Variants in MRPS30 observed in about 807,000 individuals in gnomAD.
The protein encoded by MRPS30 is large ribosomal subunit protein mL65.
Under a neutral mutation model 43.8 loss-of-function variants are expected in MRPS30, and 42 were observed. The ratio of observed to expected loss-of-function variants is 0.96; its 90% confidence interval spans 0.75 to 1.24. MRPS30 has a LOEUF of 1.24. Ranked by LOEUF, MRPS30 falls within the 50% of genes most tolerant of loss-of-function variation. The probability of loss-of-function intolerance (pLI) is 0.00; values close to 1 mark genes in which losing one functional copy is unlikely to be tolerated. For synonymous variants in MRPS30, 273 were observed against 228.2 expected (o/e 1.20, Z -1.77); for missense variants, 638 against 570.0 (o/e 1.12, Z -1.22).
At position 44,813,150 on chromosome 5, in the gene MRPS30, C is replaced by T. The variant is rs1266750448; in HGVS notation, c.898C>T (p.His300Tyr). Residue 300 changes from histidine (H) to tyrosine (Y), a missense_variant, in exon 4 of 5, where the codon CAT becomes TAT. His to Tyr is a moderately conservative substitution (Grantham distance 83). Transcript: ENST00000507110. Reference sequence around the variant, plus strand: ...TTGCTGTTACGGTCACACCCAGTTTCATCTGTTACCTGACAAATTAAGAAG... The same window carrying T: ...TTGCTGTTACGGTCACACCCAGTTTTATCTGTTACCTGACAAATTAAGAAG... ...DPCCYGHTQF[H>Y]LLPDKLRRER... 2 of 1,613,430 alleles carry T rather than the reference C, an allele frequency of 1.2e-6. No homozygotes were observed. The highest frequency in any genetic ancestry group is 4.5e-5 in the East Asian group (2 of 44,822).
In MRPS30 at chr5:44,809,281, C is replaced by A; in HGVS notation, c.319C>A (p.Gln107Lys). 3 of 1,613,388 alleles carry A rather than the reference C, an allele frequency of 1.9e-6. No homozygotes were observed. Among genetic ancestry groups the A allele is most frequent in the Non-Finnish European group, 2.5e-6 (3 of 1,179,832 alleles). ...CGCGCTGAATGCCGACCGCTGGTAC[C>A]AGTACTTCACCAAGACCGTGTTCCT... Reference protein sequence around the residue: ...TFALNADRWYQYFTKTVFLSG... With the variant: ...TFALNADRWYKYFTKTVFLSG... Residue 107 changes from glutamine (Q) to lysine (K), a missense_variant, in exon 1 of 5, where the codon CAG (glutamine) becomes AAG (lysine). Gln to Lys is a moderately conservative substitution (Grantham distance 53). Transcript: ENST00000507110.
Position 44,813,142 on chromosome 5 carries a change from C to T in MRPS30, c.890C>T (p.Thr297Ile), listed in dbSNP as rs1385931575. 6.2e-7 allele frequency: 1 copy of T among 1,613,256 alleles called. No individual in the cohort carries two copies. ...KTADPCCYGH[T>I]QFHLLPDKLR... is the part of the protein sequence containing the mutation. Reference sequence around the variant, plus strand: ...GCAGATCCTTGCTGTTACGGTCACACCCAGTTTCATCTGTTACCTGACAAA... The same window carrying T: ...GCAGATCCTTGCTGTTACGGTCACATCCAGTTTCATCTGTTACCTGACAAA... The change falls in exon 4 of 5, where the codon ACC becomes ATC. Residue 297 changes from threonine to isoleucine, a missense_variant. Physicochemically the swap from Thr to Ile is moderately conservative, Grantham distance 89. Transcript: ENST00000507110.
At chr5:44,813,741 A>C (rs1296699014) in intron 4 of MRPS30, 1 of 153,062 alleles carries the variant, frequency 6.5e-6, no homozygotes, top group East Asian at 1.9e-4. Context: ...ACTCTGTTCA[A>C]GATGCAGTGT....
rs367724156 is a variant in MRPS30 at position 44,814,894 on chromosome 5, G to T, written c.1031-19G>T. The T allele has an allele frequency of 2.1e-5, 33 of 1,579,220 alleles. No homozygotes were observed. Among genetic ancestry groups the T allele is most frequent in the Non-Finnish European group, 2.8e-5 (32 of 1,163,476 alleles). ...AGATATATTCTATGTGTAAATTTCA[G>T]CATAACTTTCTTCTACAGGATTCTG... On this transcript the variant is annotated intron_variant, in intron 4 of 4. Transcript: ENST00000507110.
In MRPS30 at chr5:44,814,962, G is replaced by T. The variant is rs542809408; in HGVS notation, c.1080G>T (p.Val360=). 6.2e-7 allele frequency: 1 copy of T among 1,613,780 alleles called. No individual in the cohort carries two copies. Among genetic ancestry groups the T allele is most frequent in the African/African-American group, 1.3e-5 (1 of 75,022 alleles). ...CTCGACCTTTTGTCTCCCAGGCTGTGATCACAGATGGAAAATACTTTTCCT... is the reference window on the plus strand; with the variant it reads ...CTCGACCTTTTGTCTCCCAGGCTGTTATCACAGATGGAAAATACTTTTCCT... ...DVTRPFVSQA[V]ITDGKYFSFF... Residue 360 remains valine (V), a synonymous_variant, in exon 5 of 5, where the codon GTG becomes GTT. Coordinates refer to ENST00000507110, the MANE Select transcript of MRPS30 (RefSeq NM_016640.4).
At chr5:44,813,083 A>T in intron 3 of MRPS30, 23 bp from the exon 4 acceptor site, 1 of 1,605,176 alleles carries the variant, frequency 6.2e-7, no homozygotes, top group South Asian at 1.1e-5. Context: ...TTTCATCTGA[A>T]ATGTTTTTAT....
intron 4 of MRPS30, among the ~76,000 whole-genome samples, chr5:44,814,295 C>T (rs1373968680): frequency 6.6e-6 from 1 of 152,062 alleles, no homozygotes; most frequent in Non-Finnish European, 1.5e-5. Flanking sequence ...GATTACTAGG[C>T]TCATCTTTTT....
At chr5:44,811,186 A>G (rs1020670242) in intron 2 of MRPS30, 32 bp downstream of exon 2, 7 of 1,607,902 alleles carry the variant, frequency 4.4e-6, no homozygotes, top group Admixed American at 1.7e-5. Context: ...GTATCTATTG[A>G]TATCTCGTGT....
At position 44,808,994 on chromosome 5, in the gene MRPS30, T is replaced by TA; in HGVS notation, c.33dup (p.Arg12ThrfsTer12). On this transcript the variant is annotated frameshift_variant, in exon 1 of 5. Transcript: ENST00000507110. LOFTEE classifies it high-confidence loss of function. ...GCGGCCAGGTGTTGGAGGCCTTTGCTACGCGGTCCGAGGCTTTCATTGCAC... is the reference window on the plus strand; with the variant it reads ...GCGGCCAGGTGTTGGAGGCCTTTGCTAACGCGGTCCGAGGCTTTCATTGCAC... The TA allele has an allele frequency of 9.9e-6, 16 of 1,608,320 alleles. No individual in the cohort carries two copies. Among genetic ancestry groups the TA allele is most frequent in the Non-Finnish European group, 1.3e-5 (15 of 1,177,854 alleles).
chr5:44,810,390 A>G (rs1259012800), intron 1 of MRPS30, among the ~76,000 whole-genome samples: 2 of 152,258 alleles, frequency 1.3e-5, no homozygotes, highest in Non-Finnish European at 2.9e-5. Flanking sequence ...TAATTAACGT[A>G]TAAATAATTT....
Position 44,811,957 on chromosome 5 carries a change from A to G in MRPS30, c.790A>G (p.Ile264Val). The G allele has an allele frequency of 6.2e-7, 1 of 1,600,030 alleles. No homozygotes were observed. The change falls in exon 3 of 5, where the codon ATA becomes GTA. Residue 264 changes from isoleucine (I) to valine (V), a missense_variant. Physicochemically the swap from Ile to Val is conservative, Grantham distance 29 (BLOSUM62 3). Transcript: ENST00000507110. ...TTCTGTTCCTATAGAAATCCCCACTATAAAATGTAAACCAGACAAACTTCC... is the reference window on the plus strand; with the variant it reads ...TTCTGTTCCTATAGAAATCCCCACTGTAAAATGTAAACCAGACAAACTTCC... ...DYSVPIEIPTIKCKPDKLPLF... is the reference protein window; with the variant it reads ...DYSVPIEIPTVKCKPDKLPLF...
intron 2 of MRPS30, 123 bp downstream of exon 2, chr5:44,811,277 T>A: frequency 1.7e-6 from 2 of 1,165,918 alleles, no homozygotes; most frequent in Non-Finnish European, 2.4e-6. Context: ...TCAAGTTTCC[T>A]TTTTGAAGAC....
rs747568333 is a variant in MRPS30 at position 44,809,490 on chromosome 5, C to A, written c.528C>A (p.Phe176Leu). Residue 176 changes from phenylalanine to leucine, a missense_variant, in exon 1 of 5, where the codon TTC becomes TTA. Coordinates refer to ENST00000507110, the MANE Select transcript of MRPS30 (RefSeq NM_016640.4). ...YEESEVISLP[F>L]LDQLVSTLVG... is the part of the protein sequence containing the mutation. ...AGAGCGAGGTCATATCTTTGCCCTT[C>A]CTGGATCAGCTGGTGTCAACCCTCG... is the stretch of plus-strand genomic sequence containing the variant. The A allele has an allele frequency of 1.2e-6, 2 of 1,613,788 alleles. No individual in the cohort carries two copies. The highest frequency in any genetic ancestry group is 2.2e-5 in the South Asian group (2 of 91,072).
intron 1 of MRPS30, among the ~76,000 whole-genome samples, chr5:44,810,680 G>C (rs1742825666): frequency 6.6e-6 from 1 of 152,126 alleles, no homozygotes; most frequent in Admixed American, 6.5e-5. Context: ...ACATACCTTT[G>C]GGAGTTATTG....
chr5:44,813,692 A>C (rs1742877881), intron 4 of MRPS30: 2 of 156,684 alleles, frequency 1.3e-5, no homozygotes, highest in African/African-American at 4.8e-5. Context: ...GGGATTGTTC[A>C]TTCATTCAGT....
Position 44,809,009 on chromosome 5 carries a change from T to C in MRPS30, c.47T>C (p.Leu16Pro). The change falls in exon 1 of 5, where the codon CTT becomes CCT. Residue 16 changes from leucine (L) to proline (P), a missense_variant. By Grantham distance (98) the Leu-to-Pro change is moderately conservative. Coordinates refer to ENST00000507110, the MANE Select transcript of MRPS30 (RefSeq NM_016640.4). ...AGGCCTTTGCTACGCGGTCCGAGGC[T>C]TTCATTGCACACCGCGGCTAATGCC... ...CWRPLLRGPR[L>P]SLHTAANAAA... is the part of the protein sequence containing the mutation. 6.2e-7 allele frequency: 1 copy of C among 1,610,040 alleles called. No homozygotes were observed. The highest frequency in any genetic ancestry group is 8.5e-7 in the Non-Finnish European group (1 of 1,178,770).
Position 44,814,976 on chromosome 5 carries a change from A to G in MRPS30, c.1094A>G (p.Lys365Arg). The change falls in exon 5 of 5, where the codon AAA (lysine) becomes AGA (arginine). Residue 365 changes from lysine (K) to arginine (R), a missense_variant. Lys to Arg is a conservative substitution (Grantham distance 26). Coordinates refer to ENST00000507110, the MANE Select transcript of MRPS30 (RefSeq NM_016640.4). Reference sequence around the variant, plus strand: ...TCCCAGGCTGTGATCACAGATGGAAAATACTTTTCCTTTTTCTGCTACCAG... The same window carrying G: ...TCCCAGGCTGTGATCACAGATGGAAGATACTTTTCCTTTTTCTGCTACCAG... ...FVSQAVITDGKYFSFFCYQLN... is the reference protein window; with the variant it reads ...FVSQAVITDGRYFSFFCYQLN... The G allele has an allele frequency of 6.2e-7, 1 of 1,613,942 alleles. No homozygotes were observed. Among genetic ancestry groups the G allele is most frequent in the Non-Finnish European group, 8.5e-7 (1 of 1,179,868 alleles).
chr5:44,809,337 C>A lies in MRPS30; in HGVS notation c.375C>A (p.Pro125=), dbSNP rs757049349. ...GTCTGCCGCCGCCCCCAGCGGAGCC[C>A]GAGCCCGAGCCCGAACCCGAACCTG... ...LSGLPPPPAE[P]EPEPEPEPEP... The change falls in exon 1 of 5, where the codon CCC becomes CCA. Residue 125 remains proline, a synonymous_variant. Transcript: ENST00000507110. The A allele has an allele frequency of 3.7e-6, 6 of 1,608,230 alleles. No individual in the cohort carries two copies. The highest frequency in any genetic ancestry group is 4.2e-6 in the Non-Finnish European group (5 of 1,177,552).
At chr5:44,813,393 T>A in intron 4 of MRPS30, 111 bp downstream of exon 4, 1 of 971,750 alleles carries the variant, frequency 1.0e-6, no homozygotes, top group Non-Finnish European at 1.4e-6. Context: ...TTAACATTTT[T>A]AAACTTTTGC....
Sources: gnomAD v4.1 joint callset for allele counts (sites outside exome capture counted in the v4.1 genomes callset) on GRCh38, gnomAD v4.1.1 for gene constraint, MANE v1.5 for transcripts, NCBI Gene and HGNC (gene_info 2026-07-23, HGNC 2026-07-21) for gene names.